The following N4BP2 variants were observed in gnomAD, a reference collection of about 807,000 sequenced individuals.
N4BP2 encodes the protein NEDD4 binding protein 2.
N4BP2 carries 91 observed loss-of-function variants against 152.8 expected under a neutral mutation model. That is an observed-to-expected ratio of 0.60 (90% CI 0.50 to 0.71). The LOEUF (loss-of-function observed/expected upper bound fraction) is 0.71, where lower values mean the gene tolerates loss of function less well. Among genes scored for constraint, N4BP2 ranks in the 30% least tolerant of loss-of-function variants. N4BP2 has a pLI of 0.00. For missense variants in N4BP2, 1,923 were observed against 2,059.1 expected, an observed-to-expected ratio of 0.93 and a Z score of 1.28; for synonymous variants, 646 against 705.3, an observed-to-expected ratio of 0.92 and a Z score of 1.33.
At chr4:40,072,627 A>G (rs1053034356) in intron 1 of N4BP2, among the ~76,000 whole-genome samples, 4 of 151,498 alleles carry the variant, frequency 2.6e-5, no homozygotes, top group Non-Finnish European at 5.9e-5. Context: ...AGCTCAGGCA[A>G]TCCCTCCCTG....
chr4:40,178,443 GA>G, the N4BP2 span, among the ~76,000 whole-genome samples: 1 of 151,176 alleles, frequency 6.6e-6, no homozygotes, highest in Non-Finnish European at 1.5e-5. Flanking sequence ...AAAAAGAAAA[GA>G]AAAACCTTCA....
the N4BP2 span, among the ~76,000 whole-genome samples, chr4:40,174,540 C>T: frequency 9.2e-5 from 14 of 152,008 alleles, no homozygotes; most frequent in South Asian, 1.7e-3. Context: ...CGGTGGCTCA[C>T]GCCTGTAATC....
chr4:40,078,648 C>T (rs779046931), intron 2 of N4BP2, among the ~76,000 whole-genome samples: 3 of 151,908 alleles, frequency 2.0e-5, no homozygotes, highest in African/African-American at 4.8e-5. Flanking sequence ...ACCTTAGCTT[C>T]CCAAGTAGCT....
Position 40,060,846 on chromosome 4 carries a change from C to A in N4BP2, c.-212+3816C>A, listed in dbSNP as rs552547496. On this transcript the variant is annotated intron_variant, in intron 1 of 17. Transcript: ENST00000261435. ...TCACAAACTTGTGGGCTCAAGCAGT[C>A]TTCTCACTTCAACCTCCCAAGTTGC... 1.2e-3 allele frequency among the ~76,000 whole-genome samples: 188 copies of A among 152,276 alleles called. 2 individuals are homozygous for A. Among genetic ancestry groups the A allele is most frequent in the Admixed American group, 3.3e-3 (50 of 15,280 alleles).
intron 2 of N4BP2, among the ~76,000 whole-genome samples, chr4:40,089,502 T>C (rs116279458): frequency 0.036 from 5,186 of 145,574 alleles, 327 homozygotes; most frequent in African/African-American, 0.12. Flanking sequence ...ACTAGTGCCA[T>C]CTTGGGTCAC....
the N4BP2 span, among the ~76,000 whole-genome samples, chr4:40,188,618 C>A: frequency 6.6e-6 from 1 of 151,648 alleles, no homozygotes; most frequent in African/African-American, 2.4e-5. Context: ...GTGGTGTGTG[C>A]CTGTGGTTCC....
In N4BP2 at chr4:40,145,937, G is replaced by A. The variant is rs142959429; in HGVS notation, c.5143+1137G>A. On this transcript the variant is annotated intron_variant, in intron 16 of 17. Coordinates refer to ENST00000261435, the MANE Select transcript of N4BP2 (RefSeq NM_018177.6). ...CAGCACTTCGGAGGCCGAGGTGGGC[G>A]GATCACCTGAGGTCTGGAGTTCGAG... is the stretch of plus-strand genomic sequence containing the variant. Among the ~76,000 whole-genome samples the A allele has an allele frequency of 2.4e-3, 360 of 152,080 alleles. 1 individual carries two copies. The highest frequency in any genetic ancestry group is 8.2e-3 in the African/African-American group (339 of 41,476).
rs1721649791 is a variant in N4BP2 at position 40,156,978 on chromosome 4, A to G, written c.*2741A>G. 6.6e-6 allele frequency: 1 copy of G among 152,150 alleles called. No homozygotes were observed. Among genetic ancestry groups the G allele is most frequent in the Admixed American group, 6.5e-5 (1 of 15,272 alleles). The allele number at this position is 152,150 out of a possible 1,614,324, so 9.4% of individuals were successfully genotyped here. ...TTTGTGCTAATACATGACTCATTAGAATGATTCTTTGTAAACTTAATATTT... is the reference window on the plus strand; with the variant it reads ...TTTGTGCTAATACATGACTCATTAGGATGATTCTTTGTAAACTTAATATTT... On this transcript the variant is annotated 3_prime_UTR_variant, in exon 18 of 18. Transcript: ENST00000261435.
Position 40,136,947 on chromosome 4 carries a change from T to C in N4BP2, c.4650T>C (p.Tyr1550=). ...FLVDIFKDHN[Y]SLEHTVQFLN... is the part of the protein sequence containing the mutation. ...TTTCTACTTAAATTTTCTACAGCTATTCATTAGAACACACAGTGCAATTTC... is the reference window on the plus strand; with the variant it reads ...TTTCTACTTAAATTTTCTACAGCTACTCATTAGAACACACAGTGCAATTTC... Residue 1550 remains tyrosine (Y), a synonymous_variant, in exon 14 of 18, where the codon TAT becomes TAC. Coordinates refer to ENST00000261435, the MANE Select transcript of N4BP2 (RefSeq NM_018177.6). 6.2e-7 allele frequency: 1 copy of C among 1,604,166 alleles called. No individual in the cohort carries two copies. Among genetic ancestry groups the C allele is most frequent in the Non-Finnish European group, 8.5e-7 (1 of 1,174,284 alleles).
intron 5 of N4BP2, among the ~76,000 whole-genome samples, chr4:40,108,991 A>G (rs1457973884): frequency 1.3e-5 from 2 of 151,554 alleles, no homozygotes; most frequent in African/African-American, 4.8e-5. Context: ...TAGTTTTTGT[A>G]TTTTTAGTAG....
chr4:40,091,917 A>G (rs13120329), intron 2 of N4BP2, among the ~76,000 whole-genome samples: 1 of 143,588 alleles, frequency 7.0e-6, no homozygotes, highest in Admixed American at 7.1e-5. Context: ...CCAAAATTCA[A>G]CAATATATAA....
At chr4:40,082,324 GCTGT>G (rs1339549584) in intron 2 of N4BP2, among the ~76,000 whole-genome samples, 3 of 149,792 alleles carry the variant, frequency 2.0e-5, no homozygotes, top group Admixed American at 1.3e-4. Context: ...TTTTTAAATG[GCTGT>G]CTAAATTTCC....
chr4:40,165,353 A>G, the N4BP2 span, among the ~76,000 whole-genome samples: 2 of 152,160 alleles, frequency 1.3e-5, no homozygotes, highest in Non-Finnish European at 2.9e-5. Flanking sequence ...GGCTCAAGCA[A>G]TCCTCGTGCC....
At chr4:40,174,356 T>G in the N4BP2 span, among the ~76,000 whole-genome samples, 1 of 151,740 alleles carries the variant, frequency 6.6e-6, no homozygotes, top group Non-Finnish European at 1.5e-5. Flanking sequence ...AAAATAGAAT[T>G]ACTAGATGAG....
chr4:40,069,986 A>C (rs1450104282), intron 1 of N4BP2, among the ~76,000 whole-genome samples: 3 of 152,168 alleles, frequency 2.0e-5, no homozygotes, highest in Non-Finnish European at 4.4e-5. Flanking sequence ...CTTTTAGTGG[A>C]TTAAATATGG....
chr4:40,181,224 T>C, the N4BP2 span, among the ~76,000 whole-genome samples: 1 of 152,164 alleles, frequency 6.6e-6, no homozygotes, highest in African/African-American at 2.4e-5. Flanking sequence ...CATTGGTGGC[T>C]CTAGCCTGTC....
intron 2 of N4BP2, among the ~76,000 whole-genome samples, chr4:40,093,040 T>G (rs1421949704): frequency 6.6e-6 from 1 of 151,758 alleles, no homozygotes; most frequent in Non-Finnish European, 1.5e-5. Context: ...GCCTCCTGGG[T>G]TCAAACGATT....
At position 40,113,507 on chromosome 4, in the gene N4BP2, A is replaced by G. The variant is rs377340025; in HGVS notation, c.1663A>G (p.Arg555Gly). The change falls in exon 7 of 18, where the codon AGG (arginine) becomes GGG (glycine). Residue 555 changes from arginine (R) to glycine (G), a missense_variant and splice_region_variant. Transcript: ENST00000261435. ...GAAGTTTAAACCAAAGGAACTTGCAAGGTAAAACTTGGAGGCTACCTAACA... is the reference window on the plus strand; with the variant it reads ...GAAGTTTAAACCAAAGGAACTTGCAGGGTAAAACTTGGAGGCTACCTAACA... Reference protein sequence around the residue: ...WWKFKPKELARRNIHGVSKEK... With the variant: ...WWKFKPKELAGRNIHGVSKEK... The G allele has an allele frequency of 6.2e-7, 1 of 1,610,860 alleles. No individual in the cohort carries two copies. Among genetic ancestry groups the G allele is most frequent in the Non-Finnish European group, 8.5e-7 (1 of 1,177,490 alleles).
At chr4:40,090,875 G>T (rs1044259889) in intron 2 of N4BP2, among the ~76,000 whole-genome samples, 6 of 146,368 alleles carry the variant, frequency 4.1e-5, no homozygotes, top group Non-Finnish European at 8.9e-5. Flanking sequence ...GGAGGTTGCA[G>T]TGAGCCAAGA....
Sources: allele counts gnomAD v4.1 joint callset (sites outside exome capture counted in the v4.1 genomes callset), GRCh38; gene constraint gnomAD v4.1.1; transcripts MANE v1.5; gene names NCBI Gene and HGNC (gene_info 2026-07-23, HGNC 2026-07-21).